GMDS: variants seen among roughly 807,000 people sequenced by gnomAD.
GMDS encodes the protein GDP-mannose 4,6 dehydratase.
A neutral mutation model predicts 49.9 loss-of-function variants in GMDS; 20 were observed. The ratio of observed to expected loss-of-function variants is 0.40; its 90% confidence interval spans 0.28 to 0.58. The LOEUF is 0.58. Among genes scored for constraint, GMDS ranks in the 20% least tolerant of loss-of-function variants. The probability of loss-of-function intolerance (pLI) is 0.42; values close to 1 mark genes in which losing one functional copy is unlikely to be tolerated. For missense variants in GMDS, 362 were observed against 481.4 expected (o/e 0.75, Z 2.32); for synonymous variants, 177 against 178.6 (o/e 0.99, Z 0.07).
intron 4 of GMDS, among the ~76,000 whole-genome samples, chr6:2,060,314 T>C (rs1314530025): frequency 6.6e-6 from 1 of 152,234 alleles, no homozygotes; most frequent in Non-Finnish European, 1.5e-5. Flanking sequence ...TTTCGTTTTT[T>C]TGTTTTCTTT....
At chr6:1,666,680 C>T (rs955363984) in intron 9 of GMDS, among the ~76,000 whole-genome samples, 2 of 152,192 alleles carry the variant, frequency 1.3e-5, no homozygotes, top group African/African-American at 4.8e-5. Context: ...TCCGGAGCTA[C>T]AGTTTAAGCT....
intron 4 of GMDS, among the ~76,000 whole-genome samples, chr6:2,030,821 T>A (rs1768908569): frequency 6.6e-6 from 1 of 152,166 alleles, no homozygotes; most frequent in East Asian, 1.9e-4. Flanking sequence ...ATGTATTGCT[T>A]GGGACATAGT....
chr6:1,708,347 T>C (rs972567306), intron 9 of GMDS, among the ~76,000 whole-genome samples: 54 of 152,228 alleles, frequency 3.5e-4, no homozygotes, highest in African/African-American at 1.3e-3. Flanking sequence ...TTGGAGAAGC[T>C]GGAGGGCAGA....
chr6:1,979,306 G>A (rs538833217), intron 4 of GMDS, among the ~76,000 whole-genome samples: 6 of 152,260 alleles, frequency 3.9e-5, no homozygotes, highest in African/African-American at 1.4e-4. Context: ...CAATACATAT[G>A]GGAGCTGACA....
chr6:1,794,316 C>CA (rs34140629), intron 7 of GMDS, among the ~76,000 whole-genome samples: 4,503 of 148,550 alleles, frequency 0.03, 173 homozygotes, highest in East Asian at 0.13. Flanking sequence ...TTCACTGAGG[C>CA]AAAAAAAAAA....
chr6:1,878,314 CAAA>C (rs11463549), intron 7 of GMDS, among the ~76,000 whole-genome samples: 19 of 72,540 alleles, frequency 2.6e-4, no homozygotes, highest in Admixed American at 1.0e-3. Flanking sequence ...GAATCCATCT[CAAA>C]AAAAAAAAAA....
In GMDS at chr6:2,191,795, A is replaced by G. The variant is rs981921980; in HGVS notation, c.102+53526T>C. ...ATGAGCAGCCTGGGTACCACAGACCATGGCAGGAAGCAGACAGGCTCCGGG... is the reference window on the plus strand; with the variant it reads ...ATGAGCAGCCTGGGTACCACAGACCGTGGCAGGAAGCAGACAGGCTCCGGG... On this transcript the variant is annotated intron_variant, in intron 1 of 10. Coordinates refer to ENST00000380815, the MANE Select transcript of GMDS (RefSeq NM_001500.4). The surrounding 1 kb of genome is among the most constrained non-coding windows in gnomAD (Gnocchi z 4.6). Among the ~76,000 whole-genome samples, 2 of 152,196 alleles carry G rather than the reference A, an allele frequency of 1.3e-5. No individual in the cohort carries two copies. Among genetic ancestry groups the G allele is most frequent in the Non-Finnish European group, 2.9e-5 (2 of 68,012 alleles).
At chr6:1,708,076 C>G (rs967160691) in intron 9 of GMDS, among the ~76,000 whole-genome samples, 5 of 152,174 alleles carry the variant, frequency 3.3e-5, no homozygotes, top group African/African-American at 1.2e-4. Flanking sequence ...AAATACAGCA[C>G]TCATCCGATT....
At chr6:2,089,189 T>C (rs963425663) in intron 4 of GMDS, among the ~76,000 whole-genome samples, 1 of 152,244 alleles carries the variant, frequency 6.6e-6, no homozygotes, top group Non-Finnish European at 1.5e-5. Flanking sequence ...AGTTCTTTTA[T>C]CTGGGGCCAG....
At chr6:1,962,758 T>C (rs573608780) in intron 4 of GMDS, among the ~76,000 whole-genome samples, 1 of 152,166 alleles carries the variant, frequency 6.6e-6, no homozygotes, top group Admixed American at 6.5e-5. Context: ...AGTTTATATA[T>C]ATATACATAT....
At chr6:2,081,801 T>C (rs959446848) in intron 4 of GMDS, among the ~76,000 whole-genome samples, 2 of 152,120 alleles carry the variant, frequency 1.3e-5, no homozygotes, top group East Asian at 3.9e-4. Context: ...TCTGTTCTAA[T>C]GAGGTCTTTG....
intron 10 of GMDS, 27 bp from the exon 11 acceptor site, chr6:1,624,258 A>T: frequency 6.2e-7 from 1 of 1,605,010 alleles, no homozygotes; most frequent in South Asian, 1.1e-5. Flanking sequence ...GGCGTGAGGG[A>T]GGAGCTTCTG....
intron 4 of GMDS, among the ~76,000 whole-genome samples, chr6:2,073,342 T>C (rs1368287369): frequency 6.6e-6 from 1 of 152,376 alleles, no homozygotes; most frequent in South Asian, 2.1e-4. Context: ...ACTCTGTTTA[T>C]AGGCTGCTTT....
chr6:1,721,877 A>G (rs1261004522), intron 9 of GMDS, among the ~76,000 whole-genome samples: 1 of 152,130 alleles, frequency 6.6e-6, no homozygotes, highest in Non-Finnish European at 1.5e-5. Context: ...CTGAACTTTC[A>G]GAAACAGGAT....
In GMDS at chr6:2,033,258, C is replaced by T. The variant is rs77557853; in HGVS notation, c.346-72292G>A. Among the ~76,000 whole-genome samples the T allele has an allele frequency of 2.5e-3, 388 of 152,272 alleles. 1 individual carries two copies. The highest frequency in any genetic ancestry group is 3.4e-3 in the Middle Eastern group (1 of 294). ...AATAATTGCTGAAAGACACCACAAA[C>T]CCAATCATGTGGTTAGGAGTAAAGA... On this transcript the variant is annotated intron_variant, in intron 4 of 10. Transcript: ENST00000380815.
intron 1 of GMDS, among the ~76,000 whole-genome samples, chr6:2,205,232 G>A (rs886939063): frequency 1.3e-5 from 2 of 152,172 alleles, no homozygotes; most frequent in East Asian, 3.9e-4. Flanking sequence ...CAAAGCTGAA[G>A]CAATCAACCC....
At chr6:1,809,002 G>A (rs1422610338) in intron 7 of GMDS, among the ~76,000 whole-genome samples, 1 of 151,950 alleles carries the variant, frequency 6.6e-6, no homozygotes, top group Admixed American at 6.6e-5. Context: ...AGTATTTAAG[G>A]AAATTTTAGG....
intron 7 of GMDS, among the ~76,000 whole-genome samples, chr6:1,772,097 A>G (rs1410560028): frequency 6.6e-6 from 1 of 152,234 alleles, no homozygotes; most frequent in East Asian, 1.9e-4. Flanking sequence ...ACAGTACAAT[A>G]ATGTGTCCAA....
intron 1 of GMDS, among the ~76,000 whole-genome samples, chr6:2,226,045 CTG>C (rs772340941): frequency 1.3e-5 from 2 of 151,976 alleles, no homozygotes; most frequent in Non-Finnish European, 2.9e-5. Context: ...AAAGAAAAAA[CTG>C]TGAAAAGAAA....
Sources: gnomAD v4.1 joint callset for allele counts (sites outside exome capture counted in the v4.1 genomes callset) on GRCh38, gnomAD v4.1.1 for gene constraint, Gnocchi (gnomAD v3.1) non-coding constraint, MANE v1.5 for transcripts, NCBI Gene and HGNC (gene_info 2026-07-23, HGNC 2026-07-21) for gene names.